The following OXNAD1 variants were observed in gnomAD, a reference collection of about 807,000 sequenced individuals.
OXNAD1 encodes oxidoreductase NAD binding domain containing 1.
OXNAD1 carries 34 observed loss-of-function variants against 32.9 expected under a neutral mutation model. The observed-to-expected ratio is 1.03, with a 90% CI of 0.79 to 1.38. OXNAD1 has a LOEUF of 1.38. Ranked by LOEUF, OXNAD1 falls within the 40% of genes most tolerant of loss-of-function variation. OXNAD1 has a pLI of 0.00. For missense variants in OXNAD1, 407 were observed against 379.4 expected, an observed-to-expected ratio of 1.07 and a Z score of -0.60; for synonymous variants, 134 against 135.2, an observed-to-expected ratio of 0.99 and a Z score of 0.06.
chr3:16,269,064 AGGTAATAGTGCTTTT>A, intron 1 of OXNAD1, 47 bp from the exon 2 acceptor site: 1 of 1,350,640 alleles, frequency 7.4e-7, no homozygotes, highest in South Asian at 1.9e-5. Flanking sequence ...GGCAGCTAAG[AGGTAATAGTGCTTTT>A]GATCAGTTCC....
Position 16,348,894 on chromosome 3 carries a change from A to G in OXNAD1, c.*31-282A>G, listed in dbSNP as rs1389987590. 6.6e-6 allele frequency among the ~76,000 whole-genome samples: 1 copy of G among 152,220 alleles called. No homozygotes were observed. The highest frequency in any genetic ancestry group is 1.5e-5 in the Non-Finnish European group (1 of 68,038). ...CCTGCCACTGCCACAATCCACACAC[A>G]TTTCAGAACACCCGAGCAAGTGGCT... On this transcript the variant is annotated intron_variant, in intron 9 of 9. Transcript: ENST00000606098. This position sits in a 1 kb window ranked among gnomAD's most constrained non-coding sequence, Gnocchi z 6.3.
chr3:16,349,936 C>T (rs567952229), exon 10 of OXNAD1: 6 of 152,342 alleles, frequency 3.9e-5, no homozygotes, highest in South Asian at 4.1e-4. Flanking sequence ...CTTCCTCTTC[C>T]GGGATCTCAA....
chr3:16,306,542 CTTTTA>C (rs1053268992), downstream of OXNAD1, among the ~76,000 whole-genome samples: 9 of 85,010 alleles, frequency 1.1e-4, no homozygotes, highest in South Asian at 3.8e-4. Context: ...AGGTTAATGT[CTTTTA>C]TTTTAATTAA....
chr3:16,325,151 C>T (rs138908849), intron 9 of OXNAD1, among the ~76,000 whole-genome samples: 5 of 152,320 alleles, frequency 3.3e-5, no homozygotes, highest in South Asian at 2.1e-4. Flanking sequence ...TTTTGTGTAG[C>T]GGCTAGGCTG....
rs1275103924 is a variant in OXNAD1, at chr3:16,346,307, A to C, written c.*31-2869A>C. 2 of 152,212 alleles carry C rather than the reference A, an allele frequency of 1.3e-5. No homozygotes were observed. The highest frequency in any genetic ancestry group is 2.1e-4 in the South Asian group (1 of 4,830). 9.4% of individuals were successfully genotyped at this position (152,212 alleles called of 1,614,324 possible). A position where few individuals can be genotyped will look rare whatever the true frequency, so the allele number is the denominator to read the frequency against. On this transcript the variant is annotated intron_variant, in intron 9 of 9. Transcript: ENST00000606098. This position sits in a 1 kb window ranked among gnomAD's most constrained non-coding sequence, Gnocchi z 4.4. Reference sequence around the variant, plus strand: ...GAACTCAATATTTATTTGTTGGATAAATTTTTAAAAAGATATAACTTACTT... The same window carrying C: ...GAACTCAATATTTATTTGTTGGATACATTTTTAAAAAGATATAACTTACTT...
At position 16,275,544 on chromosome 3, in the gene OXNAD1, G is replaced by A. The variant is rs146299414; in HGVS notation, c.183+3822G>A. The A allele has an allele frequency of 3.1e-4, 48 of 153,010 alleles. 1 individual carries two copies. Among genetic ancestry groups the A allele is most frequent in the Middle Eastern group, 5.5e-3 (2 of 362 alleles). The allele number at this position is 153,010 out of a possible 1,614,324, so 9.5% of individuals were successfully genotyped here. On this transcript the variant is annotated intron_variant, in intron 4 of 8. Transcript: ENST00000285083. The stretch of plus-strand genomic sequence containing the variant: ...TTATGGTGCCACTGCACTCCAGCCT[G>A]TGTGGCAGAGCAAGACCCTGTCTCT...
At position 16,320,134 on chromosome 3, in the gene OXNAD1, G is replaced by A. The variant is rs1388196754; in HGVS notation, c.*30+16542G>A. Among the ~76,000 whole-genome samples the A allele has an allele frequency of 1.3e-5, 2 of 152,168 alleles. No individual in the cohort carries two copies. The highest frequency in any genetic ancestry group is 4.8e-5 in the African/African-American group (2 of 41,426). ...CAGCAGGAGCCAATGGATTTAATTT[G>A]CACATTTTAAAAACTGCCCATGATG... On this transcript the variant is annotated intron_variant, in intron 9 of 9. Coordinates refer to the OXNAD1 transcript ENST00000435829. The surrounding 1 kb of genome is among the most constrained non-coding windows in gnomAD (Gnocchi z 4.5).
chr3:16,329,214 C>G lies in OXNAD1; in HGVS notation c.*31-7898C>G, dbSNP rs1328019704. Among the ~76,000 whole-genome samples the G allele has an allele frequency of 1.3e-5, 2 of 152,206 alleles. No homozygotes were observed. Among genetic ancestry groups the G allele is most frequent in the Non-Finnish European group, 2.9e-5 (2 of 68,038 alleles). ...CAGCAAGAAGGCCCTCACAAGATGCCAGGCCCTCGACCTTGGACTTCCCAG... is the reference window on the plus strand; with the variant it reads ...CAGCAAGAAGGCCCTCACAAGATGCGAGGCCCTCGACCTTGGACTTCCCAG... On this transcript the variant is annotated intron_variant, in intron 9 of 9. Transcript: ENST00000435829. This position sits in a 1 kb window ranked among gnomAD's most constrained non-coding sequence, Gnocchi z 4.5.
At chr3:16,323,541 C>T in intron 9 of OXNAD1, 6 of 956,310 alleles carry the variant, frequency 6.3e-6, no homozygotes, top group Non-Finnish European at 9.9e-6. Flanking sequence ...TCCCTAATTT[C>T]ATCAAAGCAG....
At chr3:16,339,748 A>C (rs2071184891), downstream of OXNAD1, 1 of 152,228 alleles carries the variant, frequency 6.6e-6, no homozygotes, top group South Asian at 2.1e-4. Flanking sequence ...CTGCCCCTGC[A>C]CTAGAACACA....
Position 16,303,667 on chromosome 3 carries a change from TTTTTTAAGGCTATAAAC to T in OXNAD1, c.*108_*124del. On this transcript the variant is annotated 3_prime_UTR_variant, in exon 9 of 9. Coordinates refer to ENST00000285083, the MANE Select transcript of OXNAD1 (RefSeq NM_138381.5). The surrounding 1 kb of genome is among the most constrained non-coding windows in gnomAD (Gnocchi z 4.8). ...TTTTATCTCTACTTGAGTTGTCTTATTTTTTAAGGCTATAAACTTAGTGACCAGCTGGATAATAAAAG... is the reference window on the plus strand; with the variant it reads ...TTTTATCTCTACTTGAGTTGTCTTATTTAGTGACCAGCTGGATAATAAAAG... 1.6e-6 allele frequency: 2 copies of T among 1,250,750 alleles called. No individual in the cohort carries two copies. Among genetic ancestry groups the T allele is most frequent in the East Asian group, 5.3e-5 (2 of 37,968 alleles). 77.5% of individuals were successfully genotyped at this position (1,250,750 alleles called of 1,614,324 possible).
Position 16,277,348 on chromosome 3 carries a change from A to G in OXNAD1, c.183+5626A>G, listed in dbSNP as rs568155216. On this transcript the variant is annotated intron_variant, in intron 4 of 8. Coordinates refer to ENST00000285083, the MANE Select transcript of OXNAD1 (RefSeq NM_138381.5). This position sits in a 1 kb window ranked among gnomAD's most constrained non-coding sequence, Gnocchi z 4.3. Reference sequence around the variant, plus strand: ...TCTCAGCAGTATATGGTCATTAGGAACTTGCCCCAATCTCCAGAGGGTGCT... The same window carrying G: ...TCTCAGCAGTATATGGTCATTAGGAGCTTGCCCCAATCTCCAGAGGGTGCT... Among the ~76,000 whole-genome samples, 1 of 152,162 alleles carries G rather than the reference A, an allele frequency of 6.6e-6. No individual in the cohort carries two copies. The highest frequency in any genetic ancestry group is 1.5e-5 in the Non-Finnish European group (1 of 68,018).
At chr3:16,337,740 C>CAAA (rs5846920), downstream of OXNAD1, among the ~76,000 whole-genome samples, 1 of 95,174 alleles carries the variant, frequency 1.1e-5, no homozygotes, top group Admixed American at 1.1e-4. This position sits in a 1 kb window ranked among gnomAD's most constrained non-coding sequence, Gnocchi z 5.0. Flanking sequence ...GACTCCATCT[C>CAAA]AAAAAAAAAA....
chr3:16,270,835 T>C, intron 2 of OXNAD1, 110 bp from the exon 3 acceptor site: 1 of 1,492,072 alleles, frequency 6.7e-7, no homozygotes, highest in Non-Finnish European at 9.0e-7. Context: ...ACTTGACTCA[T>C]AATAGCACCA....
chr3:16,313,563 C>G (rs2068122066), intron 9 of OXNAD1: 2 of 152,124 alleles, frequency 1.3e-5, no homozygotes, highest in Admixed American at 1.3e-4. Context: ...TAACTGCTAC[C>G]CACAGAGTAC....
At position 16,290,395 on chromosome 3, in the gene OXNAD1, G is replaced by C. The variant is rs2066351175; in HGVS notation, c.290+3947G>C. On this transcript the variant is annotated intron_variant, in intron 5 of 8. Coordinates refer to ENST00000285083, the MANE Select transcript of OXNAD1 (RefSeq NM_138381.5). The surrounding 1 kb of genome is among the most constrained non-coding windows in gnomAD (Gnocchi z 4.2). ...AATTCTTCTGTATTTTTTAATGAAG[G>C]AGTCCTTTTTTTCCAAAGGTAGCTT... is the stretch of plus-strand genomic sequence containing the variant. 6.6e-6 allele frequency among the ~76,000 whole-genome samples: 1 copy of C among 152,094 alleles called. No individual in the cohort carries two copies. Among genetic ancestry groups the C allele is most frequent in the South Asian group, 2.1e-4 (1 of 4,828 alleles).
downstream of OXNAD1, among the ~76,000 whole-genome samples, chr3:16,340,205 T>A (rs142116606): frequency 5.3e-5 from 8 of 152,328 alleles, no homozygotes; most frequent in East Asian, 1.5e-3. Context: ...ATCTCTTGAC[T>A]CTGAGCTGGT....
intron 2 of OXNAD1, 100 bp downstream of exon 2, chr3:16,269,375 A>G: frequency 7.7e-7 from 1 of 1,290,416 alleles, no homozygotes; most frequent in Non-Finnish European, 1.1e-6. Flanking sequence ...ATGAGGTTGA[A>G]GAGGCCTTCT....
intron 9 of OXNAD1, among the ~76,000 whole-genome samples, chr3:16,311,837 TACA>T (rs993067793): frequency 9.9e-5 from 15 of 152,202 alleles, no homozygotes; most frequent in African/African-American, 3.6e-4. Context: ...TATTAAGCCT[TACA>T]ACAAGGACCA....
Sources: allele counts gnomAD v4.1 joint callset (sites outside exome capture counted in the v4.1 genomes callset), GRCh38; gene constraint gnomAD v4.1.1; non-coding constraint Gnocchi (gnomAD v3.1); transcripts MANE v1.5; gene names NCBI Gene and HGNC (gene_info 2026-07-23, HGNC 2026-07-21).